SLC15A1: variants seen among roughly 807,000 people sequenced by gnomAD.
SLC15A1 encodes the protein solute carrier family 15 member 1, also known as Caco-2 oligopeptide transporter.
A neutral mutation model predicts 92.9 loss-of-function variants in SLC15A1; 83 were observed. That is an observed-to-expected ratio of 0.89 (90% CI 0.75 to 1.07). SLC15A1 has a LOEUF of 1.07. Ranked by LOEUF, SLC15A1 falls within the 50% of genes least tolerant of loss-of-function variation. The probability of loss-of-function intolerance (pLI) is 0.00; values close to 1 mark genes in which losing one functional copy is unlikely to be tolerated. For missense variants in SLC15A1, 857 were observed against 880.1 expected, an observed-to-expected ratio of 0.97 and a Z score of 0.33; for synonymous variants, 322 against 318.2, an observed-to-expected ratio of 1.01 and a Z score of -0.13.
At chr13:98,722,008 G>A in intron 5 of SLC15A1, 105 bp from the exon 6 acceptor site, 1 of 861,350 alleles carries the variant, frequency 1.2e-6, no homozygotes, top group Non-Finnish European at 1.8e-6. Flanking sequence ...GACACACATA[G>A]AGAAGAAGAC....
chr13:98,702,127 C>T (rs2088072765), intron 18 of SLC15A1, among the ~76,000 whole-genome samples: 1 of 152,188 alleles, frequency 6.6e-6, no homozygotes, highest in South Asian at 2.1e-4. Flanking sequence ...AGCTTTTAGA[C>T]TTTCGCCATG....
At chr13:98,700,484 C>CAAAAAAAAAAAAAAAAAAA (rs56342746) in intron 18 of SLC15A1, among the ~76,000 whole-genome samples, 7 of 50,914 alleles carry the variant, frequency 1.4e-4, no homozygotes, top group Non-Finnish European at 2.2e-4. Flanking sequence ...GACCCTGTCT[C>CAAAAAAAAAAAAAAAAAAA]AAAAAAAAAA....
chr13:98,741,715 C>G (rs949424349), intron 1 of SLC15A1, among the ~76,000 whole-genome samples: 4 of 131,084 alleles, frequency 3.1e-5, no homozygotes, highest in African/African-American at 1.1e-4. Flanking sequence ...CAGAGGGAGA[C>G]TCCGTCTCAA....
At chr13:98,747,347 A>C (rs2139615654) in intron 1 of SLC15A1, among the ~76,000 whole-genome samples, 1 of 152,282 alleles carries the variant, frequency 6.6e-6, no homozygotes, top group Middle Eastern at 3.4e-3. Context: ...CATAGAATCA[A>C]GACGCAACTG....
chr13:98,701,531 A>C (rs1377699313), intron 18 of SLC15A1, among the ~76,000 whole-genome samples: 1 of 151,824 alleles, frequency 6.6e-6, no homozygotes, highest in Non-Finnish European at 1.5e-5. Flanking sequence ...ACAAGGTCTC[A>C]TTCTGTCACC....
intron 1 of SLC15A1, among the ~76,000 whole-genome samples, chr13:98,731,654 C>A (rs922338350): frequency 6.6e-6 from 1 of 152,184 alleles, no homozygotes; most frequent in African/African-American, 2.4e-5. Flanking sequence ...ACAAACCTTC[C>A]TTTCCTGTGT....
Position 98,721,493 on chromosome 13 carries a change from A to G in SLC15A1, c.556+2T>C, listed in dbSNP as rs1186115134. On this transcript the variant is annotated splice_donor_variant, in intron 7 of 22. Coordinates refer to ENST00000376503, the MANE Select transcript of SLC15A1 (RefSeq NM_005073.4). LOFTEE classifies it high-confidence loss of function. ...CAGAAGTTCCTTTCAGGTATCTCTT[A>G]CCTCTGAGCATGGGTGTGATGATTG... The G allele has an allele frequency of 1.2e-6, 2 of 1,608,708 alleles. No individual in the cohort carries two copies. The highest frequency in any genetic ancestry group is 1.7e-6 in the Non-Finnish European group (2 of 1,175,326).
At chr13:98,714,518 G>A (rs1205159300) in intron 9 of SLC15A1, among the ~76,000 whole-genome samples, 2 of 151,922 alleles carry the variant, frequency 1.3e-5, no homozygotes, top group Non-Finnish European at 2.9e-5. Context: ...AGCCAGGTGT[G>A]GTGGTGTGTG....
Position 98,684,881 on chromosome 13 carries a change from A to G in SLC15A1, c.1970T>C (p.Leu657Pro). Residue 657 changes from leucine to proline, a missense_variant, in exon 23 of 23, where the codon CTG becomes CCG. Leu to Pro is a moderately conservative substitution (Grantham distance 98). Coordinates refer to ENST00000376503, the MANE Select transcript of SLC15A1 (RefSeq NM_005073.4). Reference protein sequence around the residue: ...AEYILFAALLLVVCVIFAIMA... With the variant: ...AEYILFAALLPVVCVIFAIMA... ...GATGGCAAAAATTACACAGACGACC[A>G]GAAGCAACGCGGCAAATAGAATGTA... 6.2e-7 allele frequency: 1 copy of G among 1,614,102 alleles called. No homozygotes were observed. The highest frequency in any genetic ancestry group is 8.5e-7 in the Non-Finnish European group (1 of 1,179,964).
At chr13:98,733,542 G>A (rs1037982244) in intron 1 of SLC15A1, among the ~76,000 whole-genome samples, 1 of 152,192 alleles carries the variant, frequency 6.6e-6, no homozygotes, top group African/African-American at 2.4e-5. Flanking sequence ...GGGTAAAGGA[G>A]TAAAGTAGAC....
rs560697391 is a variant in SLC15A1, at chr13:98,702,771, C to A, written c.1417-242G>T. On this transcript the variant is annotated intron_variant, in intron 17 of 22. Transcript: ENST00000376503. ...AGGAGTTTGAGACCAGCCTGTGAGA[C>A]ACAGTGAGACCTTGTCTCTCTTAGA... 8.2e-4 allele frequency among the ~76,000 whole-genome samples: 125 copies of A among 151,912 alleles called. 2 individuals are homozygous for A. The South Asian group carries it at 0.025, about 30-fold the overall frequency.
chr13:98,715,829 G>A (rs1307776888), intron 9 of SLC15A1, 49 bp downstream of exon 9: 3 of 1,437,104 alleles, frequency 2.1e-6, no homozygotes, highest in South Asian at 1.1e-5. Flanking sequence ...AAAGTAGAAG[G>A]TTCTGAGGTG....
rs757426532 is a variant in SLC15A1, at chr13:98,726,441, A to G, written c.30T>C (p.Phe10=). Residue 10 remains phenylalanine (F), a synonymous_variant, in exon 3 of 23, where the codon TTT becomes TTC. Coordinates refer to ENST00000376503, the MANE Select transcript of SLC15A1 (RefSeq NM_005073.4). ...TGAAGAAGATGCTCAGGGGATAACC[A>G]AAGAAACTCTGACAAAAAAGAAACA... MGMSKSHSF[F]GYPLSIFFIV... 2 of 1,614,006 alleles carry G rather than the reference A, an allele frequency of 1.2e-6. No homozygotes were observed. The highest frequency in any genetic ancestry group is 4.5e-5 in the East Asian group (2 of 44,880).
At chr13:98,700,668 A>C (rs1261547087) in intron 18 of SLC15A1, among the ~76,000 whole-genome samples, 1 of 152,040 alleles carries the variant, frequency 6.6e-6, no homozygotes, top group African/African-American at 2.4e-5. Flanking sequence ...GTAGATCTAG[A>C]ATCAATTTTG....
intron 18 of SLC15A1, among the ~76,000 whole-genome samples, chr13:98,695,928 T>G (rs1203934246): frequency 6.6e-6 from 1 of 152,112 alleles, no homozygotes; most frequent in South Asian, 2.1e-4. Context: ...TTCTCCTTTT[T>G]TGTGTTTTTT....
chr13:98,731,718 T>C (rs1221528725), intron 1 of SLC15A1, among the ~76,000 whole-genome samples: 2 of 152,214 alleles, frequency 1.3e-5, no homozygotes, highest in Non-Finnish European at 2.9e-5. Context: ...GTCGTCCTTT[T>C]GTCTTTGCTC....
chr13:98,684,652 G>T lies in SLC15A1; in HGVS notation c.*72C>A. 1 of 1,219,272 alleles carries T rather than the reference G, an allele frequency of 8.2e-7. No individual in the cohort carries two copies. The highest frequency in any genetic ancestry group is 1.2e-6 in the Non-Finnish European group (1 of 840,052). 75.5% of individuals were successfully genotyped at this position (1,219,272 alleles called of 1,614,324 possible). Reference sequence around the variant, plus strand: ...TCCTCATCAGGGGCCATCCAATGGAGTGTCCTGCTACCTGGGGGCAGAGGT... The same window carrying T: ...TCCTCATCAGGGGCCATCCAATGGATTGTCCTGCTACCTGGGGGCAGAGGT... On this transcript the variant is annotated 3_prime_UTR_variant, in exon 23 of 23. Coordinates refer to ENST00000376503, the MANE Select transcript of SLC15A1 (RefSeq NM_005073.4).
Position 98,711,906 on chromosome 13 carries a change from A to G in SLC15A1, c.848T>C (p.Val283Ala). The change falls in exon 11 of 23, where the codon GTG (valine) becomes GCG (alanine). Residue 283 changes from valine to alanine, a missense_variant. Val to Ala is a moderately conservative substitution (Grantham distance 64). Coordinates refer to ENST00000376503, the MANE Select transcript of SLC15A1 (RefSeq NM_005073.4). ...TGGGAGTGGAATATACAGGAACATC[A>G]CCCTCGTAACCATCTTAATTTGGGA... is the stretch of plus-strand genomic sequence containing the variant. ...LISQIKMVTR[V>A]MFLYIPLPMF... 6.2e-7 allele frequency: 1 copy of G among 1,613,220 alleles called. No homozygotes were observed. Among genetic ancestry groups the G allele is most frequent in the Non-Finnish European group, 8.5e-7 (1 of 1,179,918 alleles).
intron 5 of SLC15A1, 30 bp downstream of exon 5, chr13:98,723,882 T>C (rs2088278300): frequency 6.2e-7 from 1 of 1,611,806 alleles, no homozygotes; most frequent in African/African-American, 1.3e-5. Flanking sequence ...GGTGGGAGGG[T>C]GATGGGGGCA....
Sources: gnomAD v4.1 joint callset for allele counts (sites outside exome capture counted in the v4.1 genomes callset) on GRCh38, gnomAD v4.1.1 for gene constraint, MANE v1.5 for transcripts, NCBI Gene and HGNC (gene_info 2026-07-23, HGNC 2026-07-21) for gene names.